RGL2: variants seen among roughly 807,000 people sequenced by gnomAD.
The protein encoded by RGL2 is ral guanine nucleotide dissociation stimulator-like 2.
RGL2 carries 40 observed loss-of-function variants against 84.6 expected under a neutral mutation model. The observed-to-expected ratio is 0.47, with a 90% CI of 0.37 to 0.62. RGL2 has a LOEUF of 0.62. Among genes scored for constraint, RGL2 ranks in the 20% least tolerant of loss-of-function variants. The pLI, the probability that RGL2 is intolerant of heterozygous loss-of-function variation, is 0.00. For synonymous variants in RGL2, 369 were observed against 417.3 expected (o/e 0.88, Z 1.41); for missense variants, 865 against 1,019.7 (o/e 0.85, Z 2.07).
chr6:33,294,422 A>G lies in RGL2; in HGVS notation c.1353+266T>C, dbSNP rs371871147. Among the ~76,000 whole-genome samples, 13 of 152,306 alleles carry G rather than the reference A, an allele frequency of 8.5e-5. No homozygotes were observed. The East Asian group carries it at 2.5e-3, about 29-fold the overall frequency. The stretch of plus-strand genomic sequence containing the variant: ...TAGCAATAGAGCAGGAGCCCATCAC[A>G]AAACCTAGATGTGCTTACGTTTCAG... On this transcript the variant is annotated intron_variant, in intron 11 of 17. Transcript: ENST00000497454. This position sits in a 1 kb window ranked among gnomAD's most constrained non-coding sequence, Gnocchi z 5.0.
In RGL2 at chr6:33,296,247, G is replaced by A; in HGVS notation, c.549C>T (p.Asp183=). 6.2e-7 allele frequency: 1 copy of A among 1,614,040 alleles called. No homozygotes were observed. The highest frequency in any genetic ancestry group is 8.5e-7 in the Non-Finnish European group (1 of 1,179,902). ...TCTGAAGTAAGAAGCTCTCAAGCCG[G>A]TCAAGCTGACCCTTGGCCTCAGAGC... is the stretch of plus-strand genomic sequence containing the variant. ...DFGSEAKGQL[D]RLESFLLQTG... The change falls in exon 6 of 18, where the codon GAC becomes GAT. Residue 183 remains aspartate (D), a synonymous_variant. Coordinates refer to ENST00000497454, the MANE Select transcript of RGL2 (RefSeq NM_004761.5). The surrounding 1 kb of genome is among the most constrained non-coding windows in gnomAD (Gnocchi z 5.0).
chr6:33,298,307 C>T lies in RGL2; in HGVS notation c.156+148G>A, dbSNP rs1768208921. ...ACAGAGAACCACGGAGACGCCAGGA[C>T]TCCCCGCAGCAGAGAAACGGGCCGA... On this transcript the variant is annotated intron_variant, in intron 2 of 17. Coordinates refer to ENST00000497454, the MANE Select transcript of RGL2 (RefSeq NM_004761.5). This position sits in a 1 kb window ranked among gnomAD's most constrained non-coding sequence, Gnocchi z 4.8. 1.8e-6 allele frequency: 1 copy of T among 564,998 alleles called. No homozygotes were observed. Among genetic ancestry groups the T allele is most frequent in the Non-Finnish European group, 3.2e-6 (1 of 314,456 alleles). 35.0% of individuals were successfully genotyped at this position (564,998 alleles called of 1,614,324 possible).
chr6:33,291,939 G>T lies in RGL2; in HGVS notation c.*163C>A. 1.4e-6 allele frequency: 1 copy of T among 727,416 alleles called. No homozygotes were observed. The highest frequency in any genetic ancestry group is 2.3e-6 in the Non-Finnish European group (1 of 437,488). The allele number at this position is 727,416 out of a possible 1,614,324, so 45.1% of individuals were successfully genotyped here. ...TAAGACACCAGTTCCCACAGGGCTG[G>T]ATTTCTCAGCTGTCTGGTAAACCAG... On this transcript the variant is annotated 3_prime_UTR_variant, in exon 18 of 18. Coordinates refer to ENST00000497454, the MANE Select transcript of RGL2 (RefSeq NM_004761.5).
At position 33,296,273 on chromosome 6, in the gene RGL2, C is replaced by A; in HGVS notation, c.523G>T (p.Gly175Cys). The part of the protein sequence containing the change: ...TWLASHPEDF[G>C]SEAKGQLDRL... ...TCAAGCTGACCCTTGGCCTCAGAGC[C>A]AAAATCCTCAGGGTGAGAGGCCAGC... The change falls in exon 6 of 18, where the codon GGC (glycine) becomes TGC (cysteine). Residue 175 changes from glycine (G) to cysteine (C), a missense_variant. This residue lies in a region of RGL2 where 455 missense variants were observed against 507.8 expected (regional missense o/e 0.90). Transcript: ENST00000497454. The surrounding 1 kb of genome is among the most constrained non-coding windows in gnomAD (Gnocchi z 5.0). 6.2e-7 allele frequency: 1 copy of A among 1,613,880 alleles called. No individual in the cohort carries two copies.
In RGL2 at chr6:33,297,258, G is replaced by T; in HGVS notation, c.157-143C>A. 3.1e-6 allele frequency: 2 copies of T among 640,664 alleles called. No homozygotes were observed. The highest frequency in any genetic ancestry group is 5.1e-6 in the Non-Finnish European group (2 of 390,584). The allele number at this position is 640,664 out of a possible 1,614,324, so 39.7% of individuals were successfully genotyped here. ...TACCAGCGAGTGCGAGGAAGGGTTG[G>T]GGGAGCTGGTGACCCCAGGTCTCCC... On this transcript the variant is annotated intron_variant, in intron 2 of 17. Transcript: ENST00000497454. The surrounding 1 kb of genome is among the most constrained non-coding windows in gnomAD (Gnocchi z 4.0).
At position 33,292,090 on chromosome 6, in the gene RGL2, G is replaced by A. The variant is rs1258644120; in HGVS notation, c.*12C>T. On this transcript the variant is annotated 3_prime_UTR_variant, in exon 18 of 18. Coordinates refer to ENST00000497454, the MANE Select transcript of RGL2 (RefSeq NM_004761.5). ...AACACCATGACTTCTGTAAGCCAAC[G>A]GGGCTTCCTCCTCAGAACAGTGCCC... is the stretch of plus-strand genomic sequence containing the variant. The A allele has an allele frequency of 4.3e-6, 7 of 1,613,858 alleles. No individual in the cohort carries two copies. Among genetic ancestry groups the A allele is most frequent in the South Asian group, 3.3e-5 (3 of 91,084 alleles).
chr6:33,299,012 T>G, upstream of RGL2: 1 of 152,156 alleles, frequency 6.6e-6, no homozygotes, highest in Non-Finnish European at 1.4e-5. This position sits in a 1 kb window ranked among gnomAD's most constrained non-coding sequence, Gnocchi z 5.0. Context: ...CCCTTTCCGC[T>G]CCCCCCCGCG....
chr6:33,292,239 G>C lies in RGL2; in HGVS notation c.2197C>G (p.Arg733Gly), dbSNP rs775378178. Residue 733 changes from arginine to glycine, a missense_variant, in exon 18 of 18, where the codon CGG becomes GGG. Arg to Gly is a moderately radical substitution (Grantham distance 125). This residue lies in a region of RGL2 where 302 missense variants were observed against 327.9 expected (regional missense o/e 0.92). Coordinates refer to ENST00000497454, the MANE Select transcript of RGL2 (RefSeq NM_004761.5). ...GGTGTAGCAGTAGAGGACCTTCGCC[G>C]CTGCCGCAGGAGGAAATCGTGTGAA... is the stretch of plus-strand genomic sequence containing the variant. ...GASHDFLLRQRRRSSTATPGV... is the reference protein window; with the variant it reads ...GASHDFLLRQGRRSSTATPGV... The C allele has an allele frequency of 6.2e-7, 1 of 1,614,194 alleles. No individual in the cohort carries two copies. The highest frequency in any genetic ancestry group is 1.1e-5 in the South Asian group (1 of 91,088).
rs35273540 is a variant in RGL2 at position 33,292,438 on chromosome 6, C to T, written c.2114G>A (p.Gly705Glu). The change falls in exon 17 of 18, where the codon GGG becomes GAG. Residue 705 changes from glycine (G) to glutamate (E), a missense_variant. Coordinates refer to ENST00000497454, the MANE Select transcript of RGL2 (RefSeq NM_004761.5). Reference sequence around the variant, plus strand: ...CCCTCATGGCCTCTGACCTCGCTCCCCTGGTAGCAGCTGTACCAGCTCATA... The same window carrying T: ...CCCTCATGGCCTCTGACCTCGCTCCTCTGGTAGCAGCTGTACCAGCTCATA... ...SEYELVQLLP[G>E]ERELTIPASA... 21,525 of 1,614,052 alleles carry T rather than the reference C, an allele frequency of 0.013. 225 individuals are homozygous for T. The highest frequency in any genetic ancestry group is 0.021 in the Admixed American group (1,233 of 60,010).
Position 33,294,807 on chromosome 6 carries a change from G to C in RGL2, c.1279-45C>G. The C allele has an allele frequency of 6.3e-7, 1 of 1,597,062 alleles. No homozygotes were observed. Reference sequence around the variant, plus strand: ...TCAGAAGTGCCTGCCATTGACGTGAGGGCCCTCCATCCCTCCGCACTTGCC... The same window carrying C: ...TCAGAAGTGCCTGCCATTGACGTGACGGCCCTCCATCCCTCCGCACTTGCC... On this transcript the variant is annotated intron_variant, in intron 10 of 17. Coordinates refer to ENST00000497454, the MANE Select transcript of RGL2 (RefSeq NM_004761.5). This position sits in a 1 kb window ranked among gnomAD's most constrained non-coding sequence, Gnocchi z 5.0.
intron 17 of RGL2, 29 bp downstream of exon 17, chr6:33,292,401 G>C (rs376349288): frequency 4.4e-6 from 7 of 1,606,896 alleles, no homozygotes; most frequent in Non-Finnish European, 5.1e-6. Context: ...CTCTCCTCCC[G>C]AGTCTGCCTT....
At position 33,297,869 on chromosome 6, in the gene RGL2, A is replaced by G. The variant is rs1292532521; in HGVS notation, c.156+586T>C. The G allele has an allele frequency of 6.6e-6, 1 of 152,304 alleles. No individual in the cohort carries two copies. The highest frequency in any genetic ancestry group is 1.5e-5 in the Non-Finnish European group (1 of 68,150). The allele number at this position is 152,304 out of a possible 1,614,324, so 9.4% of individuals were successfully genotyped here. On this transcript the variant is annotated intron_variant, in intron 2 of 17. Coordinates refer to ENST00000497454, the MANE Select transcript of RGL2 (RefSeq NM_004761.5). This position sits in a 1 kb window ranked among gnomAD's most constrained non-coding sequence, Gnocchi z 4.0. Reference sequence around the variant, plus strand: ...AATTCTGGCCCCTCCTGAGGCCCGAAATCCTGCTCCTGGCCACCACCATTA... The same window carrying G: ...AATTCTGGCCCCTCCTGAGGCCCGAGATCCTGCTCCTGGCCACCACCATTA...
Position 33,293,524 on chromosome 6 carries a change from C to G in RGL2, c.1605G>C (p.Glu535Asp), listed in dbSNP as rs1767641058. The part of the protein sequence containing the change: ...RPTLVISQWT[E>D]VLGSVGVPTP... Reference sequence around the variant, plus strand: ...TAGGGACCCCAACAGAGCCCAAAACCCTGCAGTGGCAGGAGATTGGGAGGA... The same window carrying G: ...TAGGGACCCCAACAGAGCCCAAAACGCTGCAGTGGCAGGAGATTGGGAGGA... The change falls in exon 15 of 18, where the codon GAG becomes GAC. Residue 535 changes from glutamate to aspartate, a missense_variant and splice_region_variant. Physicochemically the swap from Glu to Asp is conservative, Grantham distance 45 (BLOSUM62 2). Coordinates refer to ENST00000497454, the MANE Select transcript of RGL2 (RefSeq NM_004761.5). This position sits in a 1 kb window ranked among gnomAD's most constrained non-coding sequence, Gnocchi z 7.0. 3.1e-6 allele frequency: 5 copies of G among 1,613,400 alleles called. No homozygotes were observed. In the East Asian group the frequency reaches 1.1e-4, roughly 36 times the overall value.
chr6:33,297,048 C>T lies in RGL2; in HGVS notation c.224G>A (p.Arg75Gln), dbSNP rs776653684. Residue 75 changes from arginine (R) to glutamine (Q), a missense_variant, in exon 3 of 18, where the codon CGA becomes CAA. By Grantham distance (43) the Arg-to-Gln change is conservative. Transcript: ENST00000497454. The surrounding 1 kb of genome is among the most constrained non-coding windows in gnomAD (Gnocchi z 4.0). ...TGATCTCACCAAGGGATCAAGAGGT[C>T]GATATTGGCGGCTTGTGACGGTAAA... ...AVFTVTSRQY[R>Q]PLDPLVPMPP... is the part of the protein sequence containing the mutation. 2 of 1,579,360 alleles carry T rather than the reference C, an allele frequency of 1.3e-6. No homozygotes were observed. Among genetic ancestry groups the T allele is most frequent in the Non-Finnish European group, 1.7e-6 (2 of 1,164,468 alleles).
In RGL2 at chr6:33,298,673, T is replaced by A; in HGVS notation, c.-41-22A>T. The A allele has an allele frequency of 2.5e-6, 1 of 399,646 alleles. No individual in the cohort carries two copies. Among genetic ancestry groups the A allele is most frequent in the Non-Finnish European group, 4.0e-6 (1 of 251,252 alleles). The allele number at this position is 399,646 out of a possible 1,614,324, so 24.8% of individuals were successfully genotyped here. A position where few individuals can be genotyped will look rare whatever the true frequency, so the allele number is the denominator to read the frequency against. On this transcript the variant is annotated intron_variant, in intron 1 of 17. Coordinates refer to ENST00000497454, the MANE Select transcript of RGL2 (RefSeq NM_004761.5). The surrounding 1 kb of genome is among the most constrained non-coding windows in gnomAD (Gnocchi z 4.8). ...GCGCCTGGGGAGAGACGGGGTGGGGTGGGGGTGGAGAGTCAGGCAGGCGCG... is the reference window on the plus strand; with the variant it reads ...GCGCCTGGGGAGAGACGGGGTGGGGAGGGGGTGGAGAGTCAGGCAGGCGCG...
chr6:33,295,746 T>C lies in RGL2; in HGVS notation c.782A>G (p.Asn261Ser). Residue 261 changes from asparagine (N) to serine (S), a missense_variant, in exon 7 of 18, where the codon AAT (asparagine) becomes AGT (serine). Around this residue, in one of 5 missense-constraint regions of RGL2, gnomAD observed 455 missense variants for 507.8 expected, o/e 0.90. Transcript: ENST00000497454. This position sits in a 1 kb window ranked among gnomAD's most constrained non-coding sequence, Gnocchi z 7.2. ...LTLLDAELFL[N>S]LIPSQCLGGL... ...TCCCAGGCACTGAGAGGGGATCAAA[T>C]TGAGAAAAAGTTCCTGCAGGGTAGA... 1 of 1,613,402 alleles carries C rather than the reference T, an allele frequency of 6.2e-7. No individual in the cohort carries two copies. The highest frequency in any genetic ancestry group is 8.5e-7 in the Non-Finnish European group (1 of 1,179,830).
In RGL2 at chr6:33,295,272, G is replaced by T; in HGVS notation, c.1124+47C>A. ...CTGGCTCTGTCACCCCCTCTTCCCC[G>T]CCTTCTGAGGAACCCCCACCCCAGT... On this transcript the variant is annotated intron_variant, in intron 8 of 17. Transcript: ENST00000497454. This position sits in a 1 kb window ranked among gnomAD's most constrained non-coding sequence, Gnocchi z 7.2. 1 of 1,561,138 alleles carries T rather than the reference G, an allele frequency of 6.4e-7. No homozygotes were observed. The highest frequency in any genetic ancestry group is 8.7e-7 in the Non-Finnish European group (1 of 1,151,982).
Position 33,298,584 on chromosome 6 carries a change from A to C in RGL2, c.27T>G (p.Leu9=), listed in dbSNP as rs1768252838. The change falls in exon 2 of 18, where the codon CTT becomes CTG. Residue 9 remains leucine, a synonymous_variant. Coordinates refer to ENST00000497454, the MANE Select transcript of RGL2 (RefSeq NM_004761.5). This position sits in a 1 kb window ranked among gnomAD's most constrained non-coding sequence, Gnocchi z 4.8. ...CTCCCCCGGGGGGGCTCGTGTCCAAAAGCAGCCGCAGGGGCCGCGGGAGCA... is the reference window on the plus strand; with the variant it reads ...CTCCCCCGGGGGGGCTCGTGTCCAACAGCAGCCGCAGGGGCCGCGGGAGCA... MLPRPLRL[L]LDTSPPGGVV... 6.8e-7 allele frequency: 1 copy of C among 1,465,326 alleles called. No homozygotes were observed. Among genetic ancestry groups the C allele is most frequent in the East Asian group, 2.9e-5 (1 of 34,440 alleles). 90.8% of individuals were successfully genotyped at this position (1,465,326 alleles called of 1,614,324 possible).
In RGL2 at chr6:33,295,128, T is replaced by A; in HGVS notation, c.1208A>T (p.Gln403Leu). 6.2e-7 allele frequency: 1 copy of A among 1,606,898 alleles called. No homozygotes were observed. Among genetic ancestry groups the A allele is most frequent in the African/African-American group, 1.3e-5 (1 of 74,946 alleles). The change falls in exon 9 of 18, where the codon CAG becomes CTG. Residue 403 changes from glutamine (Q) to leucine (L), a missense_variant and splice_region_variant. Around this residue, in one of 5 missense-constraint regions of RGL2, gnomAD observed 455 missense variants for 507.8 expected, o/e 0.90. Transcript: ENST00000497454. The surrounding 1 kb of genome is among the most constrained non-coding windows in gnomAD (Gnocchi z 7.2). ...GAATGCCACAAACCAGGCTCTCACC[T>A]GCACGAGCAGCTCCCGACTCTGGGA... is the stretch of plus-strand genomic sequence containing the variant. ...NYSQSRELLVQEVKLQSPLEP... is the reference protein window; with the variant it reads ...NYSQSRELLVLEVKLQSPLEP...
Sources: allele counts gnomAD v4.1 joint callset (sites outside exome capture counted in the v4.1 genomes callset), GRCh38; gene constraint gnomAD v4.1.1; regional missense constraint gnomAD v4.1.1; non-coding constraint Gnocchi (gnomAD v3.1); transcripts MANE v1.5; gene names NCBI Gene and HGNC (gene_info 2026-07-23, HGNC 2026-07-21).